The following SS18 variants were observed in gnomAD, a reference collection of about 807,000 sequenced individuals.
SS18 encodes the protein protein SSXT.
SS18 carries 28 observed loss-of-function variants against 72.5 expected under a neutral mutation model. That is an observed-to-expected ratio of 0.39 (90% CI 0.29 to 0.53). SS18 has a LOEUF of 0.53. Among genes scored for constraint, SS18 ranks in the 20% least tolerant of loss-of-function variants. SS18 has a pLI of 0.76. For missense variants in SS18, 518 were observed against 535.3 expected, an observed-to-expected ratio of 0.97 and a Z score of 0.32; for synonymous variants, 172 against 164.2, an observed-to-expected ratio of 1.05 and a Z score of -0.37.
intron 2 of SS18, chr18:26,081,150 T>G (rs1275185672): frequency 6.6e-6 from 1 of 152,132 alleles, no homozygotes; most frequent in Non-Finnish European, 1.5e-5. Context: ...GTATGTTTAT[T>G]TTCTGTAAAA....
At position 26,016,938 on chromosome 18, in the gene SS18, T is replaced by C; in HGVS notation, c.*1416A>G. ...TTAGACGTGGGAAAAACCAATTCAA[T>C]TATAAAGAATACATCTTATTCCCTG... On this transcript the variant is annotated 3_prime_UTR_variant, in exon 11 of 11. Coordinates refer to ENST00000415083, the MANE Select transcript of SS18 (RefSeq NM_001007559.3). 1 of 224,926 alleles carries C rather than the reference T, an allele frequency of 4.4e-6. No homozygotes were observed. 13.9% of individuals were successfully genotyped at this position (224,926 alleles called of 1,614,324 possible).
rs767854254 is a variant in SS18 at position 26,032,433 on chromosome 18, T to C, written c.1196A>G (p.Gln399Arg). 1.9e-6 allele frequency: 3 copies of C among 1,613,938 alleles called. No individual in the cohort carries two copies. The highest frequency in any genetic ancestry group is 4.5e-5 in the East Asian group (2 of 44,874). Residue 399 changes from glutamine (Q) to arginine (R), a missense_variant, in exon 10 of 11, where the codon CAG becomes CGG. Physicochemically the swap from Gln to Arg is conservative, Grantham distance 43 (BLOSUM62 1). Transcript: ENST00000415083. ...TCCATAAGGCCTCTGCTGGGGTGGC[T>C]GTGGTGGTCCAGGCTGTGTTGGTCT... Reference protein sequence around the residue: ...GYRPTQPGPPQPPQQRPYGYD... With the variant: ...GYRPTQPGPPRPPQQRPYGYD...
At chr18:26,050,167 G>A (rs1047704046) in intron 5 of SS18, among the ~76,000 whole-genome samples, 3 of 151,844 alleles carry the variant, frequency 2.0e-5, no homozygotes, top group Non-Finnish European at 2.9e-5. Flanking sequence ...CCCAGGAGGC[G>A]GAAGCAGCAG....
chr18:26,036,529 TAA>T (rs1251368485), intron 7 of SS18, among the ~76,000 whole-genome samples: 1 of 152,188 alleles, frequency 6.6e-6, no homozygotes, highest in African/African-American at 2.4e-5. Context: ...TACATCTTCA[TAA>T]AATTAATATT....
intron 3 of SS18, among the ~76,000 whole-genome samples, chr18:26,072,762 A>G (rs2054335408): frequency 7.6e-6 from 1 of 132,098 alleles, no homozygotes; most frequent in Non-Finnish European, 1.5e-5. Flanking sequence ...ACACCACTGC[A>G]CTCCAGCCTG....
chr18:26,035,031 C>T lies in SS18; in HGVS notation c.1070G>A (p.Gly357Asp). The T allele has an allele frequency of 6.2e-7, 1 of 1,613,386 alleles. No individual in the cohort carries two copies. The highest frequency in any genetic ancestry group is 8.5e-7 in the Non-Finnish European group (1 of 1,179,588). Residue 357 changes from glycine to aspartate, a missense_variant, in exon 9 of 11, where the codon GGT becomes GAT. Coordinates refer to ENST00000415083, the MANE Select transcript of SS18 (RefSeq NM_001007559.3). This position sits in a 1 kb window ranked among gnomAD's most constrained non-coding sequence, Gnocchi z 4.4. ...PQQQQYPGQQ[G>D]YPGQQQGYGP... ...GTAGCCCTGCTGCTGTCCTGGGTAA[C>T]CTTGCTGCCCTGGGTACTGCTGCTG...
In SS18 at chr18:26,027,026, A is replaced by C. The variant is rs1047649624; in HGVS notation, c.1230+5373T>G. ...AATACTGTCAGTTCTCCCCAAATTA[A>C]TCTATAAATTCATGGCAATTACAAT... On this transcript the variant is annotated intron_variant, in intron 10 of 10. Transcript: ENST00000415083. 3.3e-5 allele frequency among the ~76,000 whole-genome samples: 5 copies of C among 152,242 alleles called. No homozygotes were observed. In the South Asian group the frequency reaches 1.0e-3, roughly 32 times the overall value.
chr18:26,072,659 T>C (rs1392913669), intron 3 of SS18, among the ~76,000 whole-genome samples: 1 of 151,310 alleles, frequency 6.6e-6, no homozygotes, highest in Non-Finnish European at 1.5e-5. Context: ...TAGCCAGGCG[T>C]AGTGGCGGGC....
chr18:26,027,703 A>AAAAAAAGAC lies in SS18; in HGVS notation c.1230+4695_1230+4696insGTCTTTTTT, dbSNP rs1555643837. On this transcript the variant is annotated intron_variant, in intron 10 of 10. Transcript: ENST00000415083. ...AAAAAAAAAAAAAAAAAAAAAAAAA[A>AAAAAAAGAC]AGTCTTTTCAACAAATGACTCTGAG... Among the ~76,000 whole-genome samples, 80 of 124,704 alleles carry AAAAAAAGAC rather than the reference A, an allele frequency of 6.4e-4. 12 individuals are homozygous for AAAAAAAGAC. Among genetic ancestry groups the AAAAAAAGAC allele is most frequent in the African/African-American group, 2.8e-3 (78 of 28,036 alleles). 81.8% of individuals were successfully genotyped at this position (124,704 alleles called of 152,430 possible). A position where few individuals can be genotyped will look rare whatever the true frequency, so the allele number is the denominator to read the frequency against.
rs1454681547 is a variant in SS18, at chr18:26,017,320, A to G, written c.*1034T>C. 2.1e-5 allele frequency: 4 copies of G among 193,454 alleles called. No individual in the cohort carries two copies. Among genetic ancestry groups the G allele is most frequent in the Admixed American group, 1.2e-4 (2 of 16,416 alleles). The allele number at this position is 193,454 out of a possible 1,614,324, so 12.0% of individuals were successfully genotyped here. ...ATATTATTTCCAGATAAGAAAGTTG[A>G]AACAAAGGTTTGTAAAGTCTCCTGA... On this transcript the variant is annotated 3_prime_UTR_variant, in exon 11 of 11. Coordinates refer to ENST00000415083, the MANE Select transcript of SS18 (RefSeq NM_001007559.3).
In SS18 at chr18:26,035,866, G is replaced by A. The variant is rs1451719207; in HGVS notation, c.938C>T (p.Pro313Leu). The A allele has an allele frequency of 6.2e-7, 1 of 1,602,356 alleles. No individual in the cohort carries two copies. The highest frequency in any genetic ancestry group is 8.5e-7 in the Non-Finnish European group (1 of 1,173,180). The change falls in exon 8 of 11, where the codon CCT becomes CTT. Residue 313 changes from proline to leucine, a missense_variant. Pro to Leu is a moderately conservative substitution (Grantham distance 98). Coordinates refer to ENST00000415083, the MANE Select transcript of SS18 (RefSeq NM_001007559.3). This position sits in a 1 kb window ranked among gnomAD's most constrained non-coding sequence, Gnocchi z 4.4. ...PSYPEQGYDR[P>L]YEDSSQHYYE... ...GTAATGTTGTGAGGAATCCTCATAA[G>A]GCCTATCGTAGCCTTGTTCAGGATA...
intron 3 of SS18, among the ~76,000 whole-genome samples, chr18:26,072,723 A>G (rs1346833751): frequency 6.9e-6 from 1 of 144,578 alleles, no homozygotes; most frequent in Non-Finnish European, 1.5e-5. Context: ...TGTGAACCCA[A>G]GAGGAGGAGC....
At chr18:26,046,298 A>C (rs1454857111) in intron 5 of SS18, among the ~76,000 whole-genome samples, 1 of 140,280 alleles carries the variant, frequency 7.1e-6, no homozygotes, top group Non-Finnish European at 1.5e-5. Context: ...GAATAATTTA[A>C]AAAGTAGTTC....
intron 3 of SS18, among the ~76,000 whole-genome samples, chr18:26,076,694 C>T (rs1176934197): frequency 6.6e-6 from 1 of 151,824 alleles, no homozygotes; most frequent in African/African-American, 2.4e-5. Flanking sequence ...TACAGCAAAT[C>T]ACAAAAACAA....
At chr18:26,047,624 A>G (rs7236700) in intron 5 of SS18, among the ~76,000 whole-genome samples, 26 of 152,100 alleles carry the variant, frequency 1.7e-4, no homozygotes, top group African/African-American at 4.3e-4. Context: ...GGCAGATCAC[A>G]AGGTCAGGAG....
At chr18:26,064,919 T>C (rs2054186153) in intron 3 of SS18, 1 of 152,046 alleles carries the variant, frequency 6.6e-6, no homozygotes, top group South Asian at 2.1e-4. Context: ...AAGGTCAATA[T>C]ATAAAGATCA....
intron 2 of SS18, among the ~76,000 whole-genome samples, chr18:26,084,475 T>C (rs937552822): frequency 1.2e-4 from 18 of 152,142 alleles, no homozygotes; most frequent in African/African-American, 4.3e-4. Flanking sequence ...AGGTATTAGA[T>C]ACATATGAAT....
chr18:26,090,815 G>A (rs2054714945), upstream of SS18: 1 of 575,124 alleles, frequency 1.7e-6, no homozygotes, highest in Non-Finnish European at 3.1e-6. Context: ...TGCATCCCCC[G>A]AGCTCTCCTT....
rs940243181 is a variant in SS18, at chr18:26,052,485, C to T, written c.607+139G>A. The stretch of plus-strand genomic sequence containing the variant: ...AGATTTAAACTAGCTTCAAACTCAA[C>T]ATCTCCTTTTTATGGGCATGACTGT... On this transcript the variant is annotated intron_variant, in intron 5 of 10. Coordinates refer to ENST00000415083, the MANE Select transcript of SS18 (RefSeq NM_001007559.3). 1.2e-5 allele frequency: 8 copies of T among 658,984 alleles called. No homozygotes were observed. The African/African-American group carries it at 1.5e-4, about 12-fold the overall frequency. The allele number at this position is 658,984 out of a possible 1,614,324, so 40.8% of individuals were successfully genotyped here. A position where few individuals can be genotyped will look rare whatever the true frequency, so the allele number is the denominator to read the frequency against.
Sources: gnomAD v4.1 joint callset for allele counts (sites outside exome capture counted in the v4.1 genomes callset) on GRCh38, gnomAD v4.1.1 for gene constraint, Gnocchi (gnomAD v3.1) non-coding constraint, MANE v1.5 for transcripts, NCBI Gene and HGNC (gene_info 2026-07-23, HGNC 2026-07-21) for gene names.